The following POLB variants were observed in gnomAD, a reference collection of about 807,000 sequenced individuals.
POLB encodes the protein 5'-dRP lyase.
POLB carries 37 observed loss-of-function variants against 52.7 expected under a neutral mutation model. The observed-to-expected ratio is 0.70, with a 90% CI of 0.54 to 0.92. POLB has a LOEUF of 0.92. Among genes scored for constraint, POLB ranks in the 40% least tolerant of loss-of-function variants. The probability of loss-of-function intolerance (pLI) is 0.00; values close to 1 mark genes in which losing one functional copy is unlikely to be tolerated. For missense variants in POLB, 313 were observed against 400.8 expected, an observed-to-expected ratio of 0.78 and a Z score of 1.87; for synonymous variants, 138 against 131.3, an observed-to-expected ratio of 1.05 and a Z score of -0.35.
chr8:42,355,398 G>A (rs1480948990), intron 6 of POLB, 118 bp from the exon 7 acceptor site: 2 of 645,424 alleles, frequency 3.1e-6, no homozygotes, highest in Admixed American at 4.8e-5. Context: ...TGTGTTTTCA[G>A]TCATTTCAAT....
In POLB at chr8:42,338,601, TGGGGTTCTC is replaced by T. The variant is rs1563385940; in HGVS notation, c.-20_-12del. The T allele has an allele frequency of 6.2e-7, 1 of 1,611,326 alleles. No individual in the cohort carries two copies. Among genetic ancestry groups the T allele is most frequent in the Middle Eastern group, 1.7e-4 (1 of 6,054 alleles). On this transcript the variant is annotated 5_prime_UTR_variant, in exon 1 of 14. Transcript: ENST00000265421. The stretch of plus-strand genomic sequence containing the variant: ...CTCTAGTCCCTGGTTCTGAACACTC[TGGGGTTCTC>T]GGGTGCAGGCCGCCATGAGCAAACG...
chr8:42,351,201 A>G (rs1822959693), intron 5 of POLB, among the ~76,000 whole-genome samples: 1 of 152,024 alleles, frequency 6.6e-6, no homozygotes, highest in Non-Finnish European at 1.5e-5. Context: ...CTTTTTTTCT[A>G]GGCAAGAGAA....
rs1026452022 is a variant in POLB at position 42,342,325 on chromosome 8, A to G, written c.120-2628A>G. The stretch of plus-strand genomic sequence containing the variant: ...CCTATTGAGAAGCCTGTGGGCCAGC[A>G]GCAGGCCAGTACAATATGTTGCAGC... On this transcript the variant is annotated intron_variant, in intron 2 of 13. Transcript: ENST00000265421. 7 of 1,518,784 alleles carry G rather than the reference A, an allele frequency of 4.6e-6. No homozygotes were observed. The Admixed American group carries it at 1.0e-4, about 22-fold the overall frequency. 94.1% of individuals were successfully genotyped at this position (1,518,784 alleles called of 1,614,324 possible).
At position 42,362,090 on chromosome 8, in the gene POLB, G is replaced by A. The variant is rs3136775; in HGVS notation, c.622-522G>A. ...ATCCTGCCCAACATGGTGAAACCCCGTCTCCACTAAAAATACAAAATTAAC... is the reference window on the plus strand; with the variant it reads ...ATCCTGCCCAACATGGTGAAACCCCATCTCCACTAAAAATACAAAATTAAC... On this transcript the variant is annotated intron_variant, in intron 10 of 13. Coordinates refer to ENST00000265421, the MANE Select transcript of POLB (RefSeq NM_002690.3). Among the ~76,000 whole-genome samples the A allele has an allele frequency of 7.9e-5, 12 of 151,956 alleles. No homozygotes were observed. In the East Asian group the frequency reaches 9.7e-4, roughly 12 times the overall value.
chr8:42,348,066 C>A (rs1457554267), intron 3 of POLB, among the ~76,000 whole-genome samples: 1 of 152,174 alleles, frequency 6.6e-6, no homozygotes, highest in Non-Finnish European at 1.5e-5. Flanking sequence ...AAAAAAAGGA[C>A]CCTCATTTAC....
intron 5 of POLB, among the ~76,000 whole-genome samples, chr8:42,352,135 A>T (rs906710262): frequency 3.9e-5 from 6 of 152,098 alleles, no homozygotes; most frequent in African/African-American, 1.4e-4. Context: ...TTTCTTGTTT[A>T]TGTAACTAAC....
intron 10 of POLB, among the ~76,000 whole-genome samples, chr8:42,362,366 G>A (rs1321217464): frequency 6.7e-6 from 1 of 150,124 alleles, no homozygotes; most frequent in Non-Finnish European, 1.5e-5. Context: ...TCGATTCCCT[G>A]CCAAAAAAAA....
chr8:42,349,116 T>G, intron 4 of POLB, 26 bp downstream of exon 4: 1 of 1,316,586 alleles, frequency 7.6e-7, no homozygotes. Context: ...GTTTACTTCA[T>G]TAATTATAGT....
chr8:42,369,344 C>G lies in POLB; in HGVS notation c.773+9C>G. 1 of 1,527,472 alleles carries G rather than the reference C, an allele frequency of 6.5e-7. No homozygotes were observed. The allele number at this position is 1,527,472 out of a possible 1,614,324, so 94.6% of individuals were successfully genotyped here. ...AGAAGAATTGATATCAGGTATTGTT[C>G]AGACTTTGTTGCTGACCTGTTAACT... On this transcript the variant is annotated intron_variant, in intron 12 of 13. Coordinates refer to ENST00000265421, the MANE Select transcript of POLB (RefSeq NM_002690.3).
intron 11 of POLB, 26 bp downstream of exon 11, chr8:42,362,724 T>A (rs1455723400): frequency 1.5e-6 from 2 of 1,354,536 alleles, no homozygotes; most frequent in Middle Eastern, 1.8e-4. Flanking sequence ...AGTTAGCACA[T>A]CTAAAAAAAA....
chr8:42,356,160 A>G (rs1030071039), intron 7 of POLB, among the ~76,000 whole-genome samples: 2 of 152,176 alleles, frequency 1.3e-5, no homozygotes, highest in Non-Finnish European at 2.9e-5. Context: ...CTGGCATTAT[A>G]TAGTGTTGTG....
At chr8:42,359,306 T>G (rs569521912) in intron 9 of POLB, among the ~76,000 whole-genome samples, 5 of 152,252 alleles carry the variant, frequency 3.3e-5, no homozygotes, top group Non-Finnish European at 7.4e-5. Context: ...TTTTTTCACT[T>G]ACAAATAACA....
intron 2 of POLB, among the ~76,000 whole-genome samples, chr8:42,341,260 G>C (rs1484010618): frequency 6.6e-6 from 1 of 152,072 alleles, no homozygotes; most frequent in Non-Finnish European, 1.5e-5. Context: ...CATACAAAAG[G>C]CCTTTCATCT....
intron 9 of POLB, among the ~76,000 whole-genome samples, chr8:42,360,782 C>CTA (rs1009568134): frequency 4.0e-5 from 6 of 151,634 alleles, no homozygotes; most frequent in African/African-American, 1.5e-4. Flanking sequence ...CTGGATCTCT[C>CTA]TGTGTTGACT....
intron 4 of POLB, 76 bp downstream of exon 4, chr8:42,349,166 G>A (rs1822811958): frequency 2.5e-6 from 2 of 789,380 alleles, no homozygotes; most frequent in Admixed American, 4.4e-5. Context: ...ATTGCAGGGT[G>A]ACCAATGTCA....
At chr8:42,368,614 G>A (rs374808678) in intron 11 of POLB, among the ~76,000 whole-genome samples, 1 of 152,182 alleles carries the variant, frequency 6.6e-6, no homozygotes. Flanking sequence ...AAACAGACTT[G>A]GATAACTTTT....
intron 13 of POLB, 51 bp from the exon 14 acceptor site, chr8:42,371,512 C>A: frequency 9.3e-7 from 1 of 1,076,382 alleles, no homozygotes; most frequent in Non-Finnish European, 1.4e-6. Context: ...CCCTCTATAA[C>A]TAAACTATAA....
At chr8:42,361,476 A>G in intron 10 of POLB, 111 bp downstream of exon 10, 1 of 771,356 alleles carries the variant, frequency 1.3e-6, no homozygotes, top group Non-Finnish European at 2.3e-6. Context: ...CCTTCCTGAA[A>G]AGTCTGAAGA....
intron 6 of POLB, among the ~76,000 whole-genome samples, chr8:42,355,229 G>A (rs1484543913): frequency 6.6e-6 from 1 of 151,080 alleles, no homozygotes; most frequent in African/African-American, 2.4e-5. Flanking sequence ...TAGTAGAGAT[G>A]GGGTTTCACC....
Sources: gnomAD v4.1 joint callset for allele counts (sites outside exome capture counted in the v4.1 genomes callset) on GRCh38, gnomAD v4.1.1 for gene constraint, MANE v1.5 for transcripts, NCBI Gene and HGNC (gene_info 2026-07-23, HGNC 2026-07-21) for gene names.